The following KIAA0825 variants were observed in gnomAD, a reference collection of about 807,000 sequenced individuals.
KIAA0825 encodes uncharacterized protein KIAA0825.
KIAA0825 carries 119 observed loss-of-function variants against 147.6 expected under a neutral mutation model. That is an observed-to-expected ratio of 0.81 (90% CI 0.69 to 0.94). The LOEUF is 0.94. Among genes scored for constraint, KIAA0825 ranks in the 40% least tolerant of loss-of-function variants. KIAA0825 has a pLI of 0.00. For synonymous variants in KIAA0825, 470 were observed against 518.1 expected (o/e 0.91, Z 1.26); for missense variants, 1,381 against 1,472.7 (o/e 0.94, Z 1.02).
chr5:94,471,227 C>T (rs17083725), intron 9 of KIAA0825, among the ~76,000 whole-genome samples: 3,644 of 149,282 alleles, frequency 0.024, 125 homozygotes, highest in African/African-American at 0.084. Context: ...GCAGAAAATG[C>T]GTGGGTTTTT....
chr5:94,405,436 T>G (rs1450547313), intron 15 of KIAA0825, among the ~76,000 whole-genome samples: 5 of 152,188 alleles, frequency 3.3e-5, no homozygotes, highest in African/African-American at 1.2e-4. Flanking sequence ...AAGGTTTGGT[T>G]TAAATAATTA....
At chr5:94,583,262 CGTGA>C (rs1305235381) in intron 1 of KIAA0825, among the ~76,000 whole-genome samples, 3 of 152,282 alleles carry the variant, frequency 2.0e-5, no homozygotes, top group Non-Finnish European at 4.4e-5. Context: ...CAAGGGAAGC[CGTGA>C]GTGTCTGTAC....
intron 20 of KIAA0825, among the ~76,000 whole-genome samples, chr5:94,267,692 C>T (rs572893031): frequency 6.6e-6 from 1 of 152,266 alleles, no homozygotes; most frequent in East Asian, 1.9e-4. Context: ...ATGCCAGGTT[C>T]TTGACTACTT....
intron 20 of KIAA0825, among the ~76,000 whole-genome samples, chr5:94,222,889 G>A (rs1215969348): frequency 6.6e-6 from 1 of 151,994 alleles, no homozygotes; most frequent in Non-Finnish European, 1.5e-5. Flanking sequence ...TATACATTGT[G>A]ATTACTATGT....
chr5:94,604,064 T>C (rs1343609578), intron 1 of KIAA0825, among the ~76,000 whole-genome samples: 4 of 152,234 alleles, frequency 2.6e-5, no homozygotes, highest in Non-Finnish European at 4.4e-5. Context: ...AACTCAGCTC[T>C]GGATCAAATA....
At position 94,370,461 on chromosome 5, in the gene KIAA0825, T is replaced by A. The variant is rs111927565; in HGVS notation, c.3710+13907A>T. Among the ~76,000 whole-genome samples, 194 of 152,244 alleles carry A rather than the reference T, an allele frequency of 1.3e-3. 1 individual carries two copies. Among genetic ancestry groups the A allele is most frequent in the African/African-American group, 4.4e-3 (182 of 41,542 alleles). ...TATAAGTAGAGAAATGATTTTAAAA[T>A]AGGGGTTATATCAGATAAAGGTGAG... On this transcript the variant is annotated intron_variant, in intron 20 of 20. Transcript: ENST00000682413.
chr5:94,379,942 C>T (rs1301269161), intron 20 of KIAA0825, among the ~76,000 whole-genome samples: 1 of 149,758 alleles, frequency 6.7e-6, no homozygotes, highest in Non-Finnish European at 1.5e-5. Context: ...CAAGCTCCAC[C>T]TCCTGGGCTC....
intron 5 of KIAA0825, among the ~76,000 whole-genome samples, chr5:94,499,249 C>T (rs1764741616): frequency 6.6e-6 from 1 of 152,130 alleles, no homozygotes; most frequent in African/African-American, 2.4e-5. Context: ...ACCTGAGAAA[C>T]AAGGCCCAGG....
At chr5:94,481,291 A>G (rs1762471136) in intron 6 of KIAA0825, among the ~76,000 whole-genome samples, 1 of 152,042 alleles carries the variant, frequency 6.6e-6, no homozygotes, top group African/African-American at 2.4e-5. Context: ...GTTAGTTTCT[A>G]CACTGCCGCT....
At chr5:94,592,028 G>C (rs1784446122) in intron 1 of KIAA0825, among the ~76,000 whole-genome samples, 1 of 152,150 alleles carries the variant, frequency 6.6e-6, no homozygotes, top group African/African-American at 2.4e-5. Context: ...TTCAAGATGA[G>C]ATTTGGGTGG....
At chr5:94,447,712 T>G (rs1267970960) in intron 13 of KIAA0825, among the ~76,000 whole-genome samples, 2 of 152,118 alleles carry the variant, frequency 1.3e-5, no homozygotes, top group Non-Finnish European at 2.9e-5. Context: ...GTAATATGAA[T>G]ATAATGAAAC....
intron 5 of KIAA0825, among the ~76,000 whole-genome samples, chr5:94,506,261 A>G (rs985481280): frequency 6.6e-6 from 1 of 152,254 alleles, no homozygotes; most frequent in African/African-American, 2.4e-5. Flanking sequence ...TTTTTCAAGC[A>G]CTGTTGGAGG....
At chr5:94,227,359 G>A (rs915185982) in intron 20 of KIAA0825, among the ~76,000 whole-genome samples, 2 of 151,780 alleles carry the variant, frequency 1.3e-5, no homozygotes, top group East Asian at 3.9e-4. Context: ...AGAACACATG[G>A]ACACAGGAAG....
intron 12 of KIAA0825, among the ~76,000 whole-genome samples, chr5:94,461,658 T>G (rs1005171357): frequency 2.6e-5 from 4 of 151,832 alleles, no homozygotes; most frequent in African/African-American, 9.7e-5. Flanking sequence ...AAAATTAAGA[T>G]TTGTATGTCG....
At chr5:94,501,133 T>A (rs1000712599) in intron 5 of KIAA0825, among the ~76,000 whole-genome samples, 21 of 152,182 alleles carry the variant, frequency 1.4e-4, no homozygotes, top group African/African-American at 5.1e-4. Flanking sequence ...ACATTAAAGA[T>A]AAAACAAAGT....
intron 3 of KIAA0825, among the ~76,000 whole-genome samples, chr5:94,534,501 T>C (rs892829317): frequency 1.3e-5 from 2 of 152,196 alleles, no homozygotes; most frequent in African/African-American, 4.8e-5. Context: ...TGAAGATCAA[T>C]GGTCACTTGA....
chr5:94,305,700 A>G (rs1358237752), intron 20 of KIAA0825, among the ~76,000 whole-genome samples: 1 of 152,004 alleles, frequency 6.6e-6, no homozygotes, highest in African/African-American at 2.4e-5. Context: ...GGCATGGTAC[A>G]TCAAACATAA....
At chr5:94,567,276 T>C (rs564169866) in intron 2 of KIAA0825, among the ~76,000 whole-genome samples, 3 of 152,350 alleles carry the variant, frequency 2.0e-5, no homozygotes, top group Admixed American at 6.5e-5. Context: ...ATAAGCTGAA[T>C]ATTTTGCCCT....
Position 94,519,156 on chromosome 5 carries a change from G to A in KIAA0825, c.970+1092C>T, listed in dbSNP as rs568498259. Reference sequence around the variant, plus strand: ...CTGCAATGAGATATAGCTTCTGGAGGAAAATTAAAATTTTAAGACAAAATA... The same window carrying A: ...CTGCAATGAGATATAGCTTCTGGAGAAAAATTAAAATTTTAAGACAAAATA... On this transcript the variant is annotated intron_variant, in intron 5 of 20. Transcript: ENST00000682413. 3.6e-6 allele frequency: 3 copies of A among 837,562 alleles called. No individual in the cohort carries two copies. The Admixed American group carries it at 1.9e-4, about 52-fold the overall frequency. 51.9% of individuals were successfully genotyped at this position (837,562 alleles called of 1,614,324 possible).
Sources: allele counts gnomAD v4.1 joint callset (sites outside exome capture counted in the v4.1 genomes callset), GRCh38; gene constraint gnomAD v4.1.1; transcripts MANE v1.5; gene names NCBI Gene and HGNC (gene_info 2026-07-23, HGNC 2026-07-21).